Variants in LMNTD1 observed in about 807,000 individuals in gnomAD.
LMNTD1 encodes lamin tail domain-containing protein 1.
A neutral mutation model predicts 50.9 loss-of-function variants in LMNTD1; 35 were observed. The ratio of observed to expected loss-of-function variants is 0.69; its 90% CI spans 0.53 to 0.91. LMNTD1 has a LOEUF of 0.91. Among genes scored for constraint, LMNTD1 ranks in the 40% least tolerant of loss-of-function variants. The pLI, the probability that LMNTD1 is intolerant of heterozygous loss-of-function variation, is 0.00. For missense variants in LMNTD1, 470 were observed against 475.5 expected (o/e 0.99, Z 0.11); for synonymous variants, 153 against 161.9 (o/e 0.94, Z 0.42).
At position 25,518,775 on chromosome 12, in the gene LMNTD1, CAAGCACTCTTTT is replaced by C; in HGVS notation, c.1189+8_1189+19del. On this transcript the variant is annotated splice_region_variant and intron_variant, in intron 8 of 9. Coordinates refer to ENST00000458174, the MANE Select transcript of LMNTD1 (RefSeq NM_001145728.2). ...CACACACACGCACTCTCCACTGGAA[CAAGCACTCTTTT>C]AACTGACCTGAGGCTCGATTAGGTC... The C allele has an allele frequency of 6.2e-7, 1 of 1,612,312 alleles. No homozygotes were observed. The highest frequency in any genetic ancestry group is 2.2e-5 in the East Asian group (1 of 44,852).
At chr12:25,526,995 TA>T in intron 4 of LMNTD1, 40 bp from the exon 5 acceptor site, 1 of 1,456,512 alleles carries the variant, frequency 6.9e-7, no homozygotes, top group Non-Finnish European at 9.4e-7. Context: ...TGCCTTCAGA[TA>T]GGAGTGTCTT....
chr12:25,533,329 G>GT (rs1293676734), intron 4 of LMNTD1, among the ~76,000 whole-genome samples: 5 of 152,156 alleles, frequency 3.3e-5, no homozygotes, highest in African/African-American at 1.2e-4. Flanking sequence ...AGAGTGGAGA[G>GT]TGATGTTGCA....
At chr12:25,612,129 A>G (rs1946257745) in intron 1 of LMNTD1, among the ~76,000 whole-genome samples, 2 of 152,240 alleles carry the variant, frequency 1.3e-5, no homozygotes. Flanking sequence ...TGCCAACTAA[A>G]GAAATAAGAA....
chr12:25,495,960 A>G (rs1011725359), intron 9 of LMNTD1, among the ~76,000 whole-genome samples: 19 of 152,222 alleles, frequency 1.2e-4, no homozygotes, highest in African/African-American at 2.7e-4. Flanking sequence ...ATAATTGTGT[A>G]GAAGAGCTCC....
chr12:25,576,381 T>C (rs547624334), intron 1 of LMNTD1, among the ~76,000 whole-genome samples: 33 of 152,352 alleles, frequency 2.2e-4, no homozygotes, highest in African/African-American at 7.9e-4. Flanking sequence ...ATGATCGCCA[T>C]TCTAACTGGT....
chr12:25,557,184 T>C (rs1474331655), upstream of LMNTD1: 7 of 152,236 alleles, frequency 4.6e-5, no homozygotes, highest in South Asian at 1.2e-3. Flanking sequence ...AATTCATTTC[T>C]TTTACACAGA....
chr12:25,632,403 C>T (rs1324971272), intron 1 of LMNTD1, among the ~76,000 whole-genome samples: 4 of 152,104 alleles, frequency 2.6e-5, no homozygotes, highest in Admixed American at 1.3e-4. Flanking sequence ...ACAGAAGCAC[C>T]AGGTAACCTA....
chr12:25,622,661 C>T (rs1946500774), intron 1 of LMNTD1, among the ~76,000 whole-genome samples: 1 of 152,160 alleles, frequency 6.6e-6, no homozygotes, highest in African/African-American at 2.4e-5. Context: ...ATGCCAGTCA[C>T]AGTCCTACAA....
intron 7 of LMNTD1, among the ~76,000 whole-genome samples, chr12:25,519,595 A>AAAAAAAAAAAAAAAAAC (rs1941126158): frequency 6.8e-6 from 1 of 146,140 alleles, no homozygotes; most frequent in Non-Finnish European, 1.5e-5. Flanking sequence ...CTCAAAAAAA[A>AAAAAAAAAAAAAAAAAC]AAAAAAAAAA....
chr12:25,502,757 A>T (rs1471752969), intron 9 of LMNTD1, among the ~76,000 whole-genome samples: 1 of 152,180 alleles, frequency 6.6e-6, no homozygotes, highest in African/African-American at 2.4e-5. Flanking sequence ...AGGAATGGAG[A>T]GAGTGGGCTT....
chr12:25,535,242 A>G (rs908190292), intron 4 of LMNTD1, among the ~76,000 whole-genome samples: 8 of 152,168 alleles, frequency 5.3e-5, no homozygotes, highest in Non-Finnish European at 1.2e-4. Context: ...AGACATAACA[A>G]TATACACCAT....
At chr12:25,620,553 G>A (rs921650433) in intron 1 of LMNTD1, among the ~76,000 whole-genome samples, 1 of 151,842 alleles carries the variant, frequency 6.6e-6, no homozygotes, top group Non-Finnish European at 1.5e-5. Flanking sequence ...AGCTTTTCTT[G>A]CCACATCAAA....
At chr12:25,597,693 C>A (rs1945872342) in intron 1 of LMNTD1, among the ~76,000 whole-genome samples, 1 of 152,092 alleles carries the variant, frequency 6.6e-6, no homozygotes, top group Admixed American at 6.6e-5. Context: ...CTGCAGAATA[C>A]ACATTATTTT....
chr12:25,606,482 A>G (rs1378691870), intron 1 of LMNTD1, among the ~76,000 whole-genome samples: 1 of 152,004 alleles, frequency 6.6e-6, no homozygotes, highest in Non-Finnish European at 1.5e-5. Flanking sequence ...CATAGATAGC[A>G]CTTATTATTT....
intron 8 of LMNTD1, among the ~76,000 whole-genome samples, chr12:25,508,157 A>T (rs1015837647): frequency 3.9e-5 from 6 of 152,216 alleles, no homozygotes; most frequent in Non-Finnish European, 8.8e-5. Flanking sequence ...ATATACATGA[A>T]GGAAAGTTCA....
At chr12:25,543,423 C>T (rs1388390061) in intron 4 of LMNTD1, among the ~76,000 whole-genome samples, 2 of 151,608 alleles carry the variant, frequency 1.3e-5, no homozygotes, top group African/African-American at 4.8e-5. Flanking sequence ...AACATTATGA[C>T]CAAATATTTA....
upstream of LMNTD1, among the ~76,000 whole-genome samples, chr12:25,554,816 C>A (rs969430649): frequency 6.6e-6 from 1 of 152,182 alleles, no homozygotes; most frequent in Non-Finnish European, 1.5e-5. Flanking sequence ...GTAATCCCAG[C>A]ACTTTGGGAG....
At chr12:25,521,498 A>G (rs1941321390) in intron 6 of LMNTD1, among the ~76,000 whole-genome samples, 2 of 152,198 alleles carry the variant, frequency 1.3e-5, no homozygotes. Context: ...ATACAGAGTA[A>G]CGCATCTTGG....
chr12:25,491,966 T>G (rs1032615059), intron 9 of LMNTD1, among the ~76,000 whole-genome samples: 1 of 152,210 alleles, frequency 6.6e-6, no homozygotes, highest in Non-Finnish European at 1.5e-5. Context: ...AGGCAGTGAT[T>G]GCACAAATAA....
Sources: gnomAD v4.1 joint callset for allele counts (sites outside exome capture counted in the v4.1 genomes callset) on GRCh38, gnomAD v4.1.1 for gene constraint, MANE v1.5 for transcripts, NCBI Gene and HGNC (gene_info 2026-07-23, HGNC 2026-07-21) for gene names.